CREB5: variants seen among roughly 807,000 people sequenced by gnomAD.
CREB5 encodes the protein cAMP responsive element binding protein 5.
In CREB5, 19 loss-of-function variants were observed where a neutral mutation model predicts 57.1. The ratio of observed to expected loss-of-function variants is 0.33; its 90% CI spans 0.23 to 0.49. CREB5 has a LOEUF of 0.49. CREB5 is among the 20% of genes least tolerant of loss of function. The pLI, the probability that CREB5 is intolerant of heterozygous loss-of-function variation, is 0.99. For synonymous variants in CREB5, 238 were observed against 238.3 expected, an observed-to-expected ratio of 1.00 and a Z score of 0.01; for missense variants, 579 against 671.6, an observed-to-expected ratio of 0.86 and a Z score of 1.52.
chr7:28,570,626 G>T, intron 5 of CREB5, 89 bp downstream of exon 5: 1 of 1,480,800 alleles, frequency 6.8e-7, no homozygotes, highest in Non-Finnish European at 9.1e-7. Flanking sequence ...GCTCAGATTG[G>T]TTGGTTTTTC....
intron 1 of CREB5, among the ~76,000 whole-genome samples, chr7:28,437,256 G>C (rs933650605): frequency 3.9e-5 from 6 of 152,122 alleles, no homozygotes; most frequent in Non-Finnish European, 8.8e-5. Flanking sequence ...TTATTTAGTA[G>C]GTGTTATTAT....
intron 1 of CREB5, among the ~76,000 whole-genome samples, chr7:28,348,408 T>TCACACACA (rs59152695): frequency 1.4e-4 from 16 of 118,116 alleles, no homozygotes; most frequent in African/African-American, 5.1e-4. Flanking sequence ...TCTCTCTCTC[T>TCACACACA]CACACACACA....
intron 5 of CREB5, among the ~76,000 whole-genome samples, chr7:28,662,473 T>G (rs1318825738): frequency 6.6e-6 from 1 of 152,228 alleles, no homozygotes; most frequent in Non-Finnish European, 1.5e-5. Flanking sequence ...GTGGTTAAAC[T>G]TGGCCCGCTC....
rs1387192238 is a variant in CREB5 at position 28,343,029 on chromosome 7, C to T, written c.-25+43588C>T. ...AATCTGGGCTCACTGCAAGCTCCGCCTCCCGGGTTCACACCATTCTCCTGC... is the reference window on the plus strand; with the variant it reads ...AATCTGGGCTCACTGCAAGCTCCGCTTCCCGGGTTCACACCATTCTCCTGC... On this transcript the variant is annotated intron_variant, in intron 1 of 9. Coordinates refer to the CREB5 transcript ENST00000396299. 3.3e-5 allele frequency among the ~76,000 whole-genome samples: 5 copies of T among 152,062 alleles called. 1 individual carries two copies.
intron 5 of CREB5, among the ~76,000 whole-genome samples, chr7:28,635,067 C>CT (rs1798362079): frequency 1.3e-5 from 2 of 152,212 alleles, no homozygotes; most frequent in South Asian, 4.1e-4. Context: ...ATTCCAGGGA[C>CT]TTTTTTATGT....
intron 5 of CREB5, among the ~76,000 whole-genome samples, chr7:28,665,290 A>T (rs528424061): frequency 1.3e-5 from 2 of 152,280 alleles, no homozygotes; most frequent in South Asian, 2.1e-4. Context: ...CAGCCCAGCT[A>T]AAAGGGCCAG....
upstream of CREB5, chr7:28,410,601 C>G (rs551696928): frequency 2.2e-6 from 1 of 453,436 alleles, no homozygotes; most frequent in Non-Finnish European, 4.5e-6. Context: ...TTCCCTGGAC[C>G]GGTGCCGCCC....
chr7:28,560,909 C>CGCGT (rs1562797737), intron 4 of CREB5, among the ~76,000 whole-genome samples: 4 of 32,690 alleles, frequency 1.2e-4, no homozygotes, highest in Admixed American at 2.6e-4. Context: ...TGCGCGCGTG[C>CGCGT]GTGTGCGTGT....
intron 5 of CREB5, among the ~76,000 whole-genome samples, chr7:28,651,740 GT>G (rs1263249831): frequency 1.3e-5 from 2 of 152,126 alleles, no homozygotes; most frequent in African/African-American, 4.8e-5. Context: ...TCAAGGTGCT[GT>G]TTTGCATTCT....
intron 4 of CREB5, among the ~76,000 whole-genome samples, chr7:28,558,854 T>C (rs1035284260): frequency 1.3e-5 from 2 of 152,214 alleles, no homozygotes; most frequent in Non-Finnish European, 2.9e-5. Context: ...GTGGTACTTT[T>C]ATACGTGTCC....
chr7:28,378,142 T>A (rs559849713), intron 1 of CREB5, among the ~76,000 whole-genome samples: 81 of 152,242 alleles, frequency 5.3e-4, no homozygotes, highest in African/African-American at 1.9e-3. Context: ...CAGGTTTCCA[T>A]GATCCACCTG....
intron 1 of CREB5, among the ~76,000 whole-genome samples, chr7:28,317,255 A>T (rs1785400544): frequency 6.6e-6 from 1 of 152,220 alleles, no homozygotes; most frequent in Admixed American, 6.5e-5. Flanking sequence ...TGTAATGCAG[A>T]GAACTCTTCA....
chr7:28,806,857 A>T (rs1361745300), intron 8 of CREB5, among the ~76,000 whole-genome samples: 2 of 152,166 alleles, frequency 1.3e-5, no homozygotes, highest in Non-Finnish European at 1.5e-5. Context: ...TTAAAAATCA[A>T]TTTTTTCCTA....
chr7:28,561,007 TGTGTGTGTGC>T (rs769698155), intron 4 of CREB5, among the ~76,000 whole-genome samples: 12 of 44,098 alleles, frequency 2.7e-4, no homozygotes, highest in African/African-American at 7.6e-4. Context: ...TGCGTGTGCG[TGTGTGTGTGC>T]GTGTGTGCGT....
rs1267493815 is a variant in CREB5 at position 28,560,807 on chromosome 7, CGCGTGTGTGTGT to C, written c.292-9556_292-9545del. Among the ~76,000 whole-genome samples, 6 of 15,108 alleles carry C rather than the reference CGCGTGTGTGTGT, an allele frequency of 4.0e-4. No individual in the cohort carries two copies. The East Asian group carries it at 0.013, about 32-fold the overall frequency. The allele number at this position is 15,108 out of a possible 152,430, so 9.9% of individuals were successfully genotyped here. A position where few individuals can be genotyped will look rare whatever the true frequency, so the allele number is the denominator to read the frequency against. The stretch of plus-strand genomic sequence containing the variant: ...TTTCTCTGCTTCCACAGTGTGTGTG[CGCGTGTGTGTGT>C]GTGCGCGCGCGCGCGTGTGTGTGTG... On this transcript the variant is annotated intron_variant, in intron 4 of 10. Coordinates refer to ENST00000357727, the MANE Select transcript of CREB5 (RefSeq NM_182898.4).
At chr7:28,433,547 G>A (rs1788816934) in intron 1 of CREB5, among the ~76,000 whole-genome samples, 1 of 152,016 alleles carries the variant, frequency 6.6e-6, no homozygotes, top group Non-Finnish European at 1.5e-5. Flanking sequence ...ATGTTGCTCA[G>A]TCTAGATTTA....
At chr7:28,436,891 C>G (rs12112275) in intron 1 of CREB5, among the ~76,000 whole-genome samples, 1 of 152,100 alleles carries the variant, frequency 6.6e-6, no homozygotes, top group Non-Finnish European at 1.5e-5. Context: ...ACATAAAATT[C>G]TACAGATGGA....
rs1786707236 is a variant in CREB5 at position 28,371,589 on chromosome 7, C to G, written c.-25+72148C>G. ...CTTCAGCCCTGGAAAGCCCTGCGGG[C>G]AGCACCACCATGGCCCCAGCAGTCC... On this transcript the variant is annotated intron_variant, in intron 1 of 9. Coordinates refer to the CREB5 transcript ENST00000396299. Among the ~76,000 whole-genome samples, 6 of 152,066 alleles carry G rather than the reference C, an allele frequency of 3.9e-5. 1 individual carries two copies. The highest frequency in any genetic ancestry group is 3.3e-4 in the Admixed American group (5 of 15,270).
At chr7:28,533,287 A>C (rs1793809026) in intron 4 of CREB5, among the ~76,000 whole-genome samples, 2 of 152,202 alleles carry the variant, frequency 1.3e-5, no homozygotes, top group African/African-American at 2.4e-5. Context: ...GACTTTTTAA[A>C]TCTACCTCCC....
Sources: gnomAD v4.1 joint callset for allele counts (sites outside exome capture counted in the v4.1 genomes callset) on GRCh38, gnomAD v4.1.1 for gene constraint, MANE v1.5 for transcripts, NCBI Gene and HGNC (gene_info 2026-07-23, HGNC 2026-07-21) for gene names.